The following TENM3 variants were observed in gnomAD, a reference collection of about 807,000 sequenced individuals.
TENM3 encodes teneurin-3.
Under a neutral mutation model 255.1 loss-of-function variants are expected in TENM3, and 63 were observed. The ratio of observed to expected loss-of-function variants is 0.25; its 90% CI spans 0.20 to 0.30. The LOEUF (loss-of-function observed/expected upper bound fraction) is 0.30, where lower values mean the gene tolerates loss of function less well. Ranked by LOEUF, TENM3 falls within the 10% of genes least tolerant of loss-of-function variation. The probability of loss-of-function intolerance (pLI) is 1.00; values close to 1 mark genes in which losing one functional copy is unlikely to be tolerated. For missense variants in TENM3, 2,929 were observed against 3,461.1 expected, an observed-to-expected ratio of 0.85 and a Z score of 3.86; for synonymous variants, 1,306 against 1,322.3, an observed-to-expected ratio of 0.99 and a Z score of 0.27.
the TENM3 span, among the ~76,000 whole-genome samples, chr4:181,934,247 G>A: frequency 2.0e-5 from 3 of 152,116 alleles, no homozygotes; most frequent in African/African-American, 2.4e-5. Context: ...TTTTGAGTAT[G>A]ACTTGAGTCT....
the TENM3 span, among the ~76,000 whole-genome samples, chr4:181,727,130 T>G: frequency 6.6e-6 from 1 of 152,204 alleles, no homozygotes; most frequent in Non-Finnish European, 1.5e-5. Flanking sequence ...ATTAAACCAT[T>G]GGCCATTGGT....
chr4:182,109,537 A>G, the TENM3 span, among the ~76,000 whole-genome samples: 1 of 152,206 alleles, frequency 6.6e-6, no homozygotes, highest in East Asian at 1.9e-4. Flanking sequence ...GAACCAATAA[A>G]GACATCAATG....
intron 3 of TENM3, among the ~76,000 whole-genome samples, chr4:182,505,159 A>T (rs1254699464): frequency 1.3e-5 from 2 of 152,142 alleles, no homozygotes; most frequent in Non-Finnish European, 2.9e-5. Flanking sequence ...TACAAGCCAC[A>T]TTACAATGGT....
intron 1 of TENM3, among the ~76,000 whole-genome samples, chr4:182,151,866 A>G (rs1362318667): frequency 6.6e-6 from 1 of 152,052 alleles, no homozygotes; most frequent in African/African-American, 2.4e-5. Context: ...ATCTAAATAC[A>G]TATTATAGAT....
chr4:182,216,625 C>T (rs947242763), intron 1 of TENM3, among the ~76,000 whole-genome samples: 1 of 152,194 alleles, frequency 6.6e-6, no homozygotes, highest in African/African-American at 2.4e-5. Context: ...TGGAAGCAAG[C>T]AATATACATC....
At chr4:182,362,044 C>G (rs926530107) in intron 3 of TENM3, among the ~76,000 whole-genome samples, 3 of 152,152 alleles carry the variant, frequency 2.0e-5, no homozygotes, top group Non-Finnish European at 2.9e-5. Context: ...TTTTCGTGAA[C>G]CGCGAAAGCT....
At chr4:181,950,861 T>G in the TENM3 span, among the ~76,000 whole-genome samples, 2 of 151,788 alleles carry the variant, frequency 1.3e-5, no homozygotes, top group African/African-American at 4.8e-5. Context: ...GGCAACATAG[T>G]GGGATCCTGT....
At chr4:181,546,576 T>C in the TENM3 span, among the ~76,000 whole-genome samples, 1 of 140,928 alleles carries the variant, frequency 7.1e-6, no homozygotes, top group South Asian at 2.4e-4. Context: ...TAGCCGGGCG[T>C]GGTGGCGGAC....
At chr4:181,751,498 A>G in the TENM3 span, among the ~76,000 whole-genome samples, 3 of 151,658 alleles carry the variant, frequency 2.0e-5, no homozygotes, top group Non-Finnish European at 4.4e-5. Flanking sequence ...GACCCATTCT[A>G]GGAACTCTCT....
At chr4:182,734,753 C>T (rs1170913731) in intron 16 of TENM3, among the ~76,000 whole-genome samples, 1 of 152,124 alleles carries the variant, frequency 6.6e-6, no homozygotes, top group South Asian at 2.1e-4. Context: ...TGCAAAATAA[C>T]ATGGTCAAGT....
chr4:182,331,857 T>G (rs1197924819), intron 2 of TENM3, among the ~76,000 whole-genome samples: 1 of 152,162 alleles, frequency 6.6e-6, no homozygotes, highest in East Asian at 1.9e-4. Flanking sequence ...GCTAAATTTA[T>G]AAGCAAAAAC....
chr4:182,163,292 T>G (rs1423424559), intron 1 of TENM3, among the ~76,000 whole-genome samples: 1 of 152,146 alleles, frequency 6.6e-6, no homozygotes, highest in South Asian at 2.1e-4. Context: ...GTTTGCCTCC[T>G]AAAATCCTGA....
chr4:182,181,555 G>A (rs1363254751), intron 1 of TENM3, among the ~76,000 whole-genome samples: 1 of 152,198 alleles, frequency 6.6e-6, no homozygotes, highest in Non-Finnish European at 1.5e-5. Flanking sequence ...GTAGCAGAAT[G>A]TAATATTCTG....
At chr4:181,616,369 GAT>G in the TENM3 span, among the ~76,000 whole-genome samples, 19,345 of 131,430 alleles carry the variant, frequency 0.15, 1,513 homozygotes, top group African/African-American at 0.22. Context: ...ATATCAATAG[GAT>G]ATATATATAT....
intron 1 of TENM3, among the ~76,000 whole-genome samples, chr4:182,231,131 T>A (rs1402313100): frequency 6.6e-6 from 1 of 151,932 alleles, no homozygotes; most frequent in Non-Finnish European, 1.5e-5. Flanking sequence ...TTGTTCTACA[T>A]CTTTGTTCCC....
intron 4 of TENM3, among the ~76,000 whole-genome samples, chr4:182,610,248 G>A (rs1261336475): frequency 6.6e-6 from 1 of 152,212 alleles, no homozygotes; most frequent in African/African-American, 2.4e-5. Context: ...AAGCCTGAAT[G>A]CATTCATTCA....
Position 182,745,633 on chromosome 4 carries a change from C to G in TENM3, c.3629+2214C>G, listed in dbSNP as rs563997277. 7.2e-5 allele frequency among the ~76,000 whole-genome samples: 11 copies of G among 152,256 alleles called. No homozygotes were observed. In the East Asian group the frequency reaches 2.1e-3, roughly 29 times the overall value. On this transcript the variant is annotated intron_variant, in intron 19 of 27. Transcript: ENST00000511685. The stretch of plus-strand genomic sequence containing the variant: ...TATGTATCTTCCCCAAAATACATAT[C>G]TAAGAAATGGGTAGCAGACAGTTAA...
At chr4:182,738,060 T>C (rs751384768) in intron 17 of TENM3, among the ~76,000 whole-genome samples, 1 of 152,196 alleles carries the variant, frequency 6.6e-6, no homozygotes, top group Non-Finnish European at 1.5e-5. Context: ...ACGTTATTTT[T>C]AGTTGTTATC....
chr4:182,116,216 G>T, the TENM3 span, among the ~76,000 whole-genome samples: 3 of 152,074 alleles, frequency 2.0e-5, no homozygotes, highest in Non-Finnish European at 4.4e-5. Flanking sequence ...CCAAAACTGT[G>T]GCAACCATTA....
Sources: gnomAD v4.1 joint callset for allele counts (sites outside exome capture counted in the v4.1 genomes callset) on GRCh38, gnomAD v4.1.1 for gene constraint, MANE v1.5 for transcripts, NCBI Gene and HGNC (gene_info 2026-07-23, HGNC 2026-07-21) for gene names.